The following CR1 variants were observed in gnomAD, a reference collection of about 807,000 sequenced individuals.
CR1 encodes the protein complement receptor type 1.
Under a neutral mutation model 187.3 loss-of-function variants are expected in CR1, and 116 were observed. That is an observed-to-expected ratio of 0.62 (90% CI 0.53 to 0.72). The LOEUF is 0.72. Ranked by LOEUF, CR1 falls within the 30% of genes least tolerant of loss-of-function variation. The pLI, the probability that CR1 is intolerant of heterozygous loss-of-function variation, is 0.00. For synonymous variants in CR1, 576 were observed against 747.1 expected, an observed-to-expected ratio of 0.77 and a Z score of 3.73; for missense variants, 1,731 against 2,110.7, an observed-to-expected ratio of 0.82 and a Z score of 3.52.
At chr1:207,614,655 T>C (rs1241792843) in intron 40 of CR1, among the ~76,000 whole-genome samples, 166 bp downstream of exon 40, 4 of 152,204 alleles carry the variant, frequency 2.6e-5, no homozygotes, top group East Asian at 1.9e-4. Context: ...AGGTCTTCTC[T>C]GACATGTGTT....
At chr1:207,517,904 C>T (rs1659852592) in intron 4 of CR1, among the ~76,000 whole-genome samples, 1 of 151,988 alleles carries the variant, frequency 6.6e-6, no homozygotes, top group South Asian at 2.1e-4. Context: ...ATTAGTTTTA[C>T]CGGGGCTTTA....
intron 1 of CR1, among the ~76,000 whole-genome samples, chr1:207,500,693 A>G (rs1413271017): frequency 6.6e-6 from 1 of 152,252 alleles, no homozygotes; most frequent in Non-Finnish European, 1.5e-5. Flanking sequence ...TAAAATTATA[A>G]CATTAACTTT....
Position 207,639,407 on chromosome 1 carries a change from T to C in CR1, c.7468T>C (p.Ter2490ArgextTer88). ...TNEENSRVLP* is the reference protein window; with the variant it reads ...TNEENSRVLPR Reference sequence around the variant, plus strand: ...ATCCTGTTATTTCAGGGTCCTTCCTTGACAAAGTACTATACAGCTGAAGAA... The same window carrying C: ...ATCCTGTTATTTCAGGGTCCTTCCTCGACAAAGTACTATACAGCTGAAGAA... The change falls in exon 47 of 47, where the codon TGA becomes CGA. Residue 2490 changes from the stop codon to arginine, a stop_lost. Transcript: ENST00000367049. The C allele has an allele frequency of 6.3e-7, 1 of 1,598,990 alleles. No individual in the cohort carries two copies. The highest frequency in any genetic ancestry group is 8.5e-7 in the Non-Finnish European group (1 of 1,171,802).
At chr1:207,589,956 A>T (rs1183818044) in intron 35 of CR1, among the ~76,000 whole-genome samples, 1 of 152,198 alleles carries the variant, frequency 6.6e-6, no homozygotes, top group African/African-American at 2.4e-5. Flanking sequence ...ATATGGGACT[A>T]TGTGAAAAGA....
intron 45 of CR1, among the ~76,000 whole-genome samples, chr1:207,623,489 G>A (rs1662377102): frequency 6.6e-6 from 1 of 151,914 alleles, no homozygotes; most frequent in South Asian, 2.1e-4. Context: ...GGAGGTTGAA[G>A]CATGAGAATT....
At chr1:207,565,391 A>G (rs955051739) in intron 23 of CR1, among the ~76,000 whole-genome samples, 5 of 150,446 alleles carry the variant, frequency 3.3e-5, no homozygotes, top group Non-Finnish European at 5.9e-5. Context: ...AGATGAAAGG[A>G]CAATCTCTGT....
chr1:207,618,928 A>G (rs1249548057), intron 42 of CR1, among the ~76,000 whole-genome samples: 1 of 149,024 alleles, frequency 6.7e-6, no homozygotes, highest in Non-Finnish European at 1.5e-5. Flanking sequence ...AGTCCCAGCT[A>G]CTCGTGAGGC....
rs756633578 is a variant in CR1 at position 207,614,423 on chromosome 1, T to C, written c.6595T>C (p.Ser2199Pro). ...CDEGFRLKGR[S>P]ASHCVLAGMK... is the part of the protein sequence containing the mutation. ...CTTTAGGTTCCGATTAAAAGGCAGG[T>C]CTGCTAGTCATTGTGTCTTGGCTGG... is the stretch of plus-strand genomic sequence containing the variant. Residue 2199 changes from serine (S) to proline (P), a missense_variant, in exon 40 of 47, where the codon TCT becomes CCT. Coordinates refer to ENST00000367049, the MANE Select transcript of CR1 (RefSeq NM_000651.6). The C allele has an allele frequency of 1.5e-5, 24 of 1,610,902 alleles. No homozygotes were observed. Among genetic ancestry groups the C allele is most frequent in the Non-Finnish European group, 5.1e-6 (6 of 1,177,980 alleles).
intron 35 of CR1, among the ~76,000 whole-genome samples, chr1:207,598,619 C>T (rs779127657): frequency 2.0e-5 from 3 of 152,224 alleles, no homozygotes; most frequent in Non-Finnish European, 2.9e-5. Context: ...AGGGTTTCAC[C>T]ATGTTGGCCA....
At chr1:207,572,280 A>G (rs1175059125) in intron 27 of CR1, among the ~76,000 whole-genome samples, 2 of 147,642 alleles carry the variant, frequency 1.4e-5, no homozygotes, top group Admixed American at 6.7e-5. Context: ...CATGCTAGAA[A>G]AATCTTTTGT....
At position 207,565,807 on chromosome 1, in the gene CR1, G is replaced by C. The variant is rs112610279; in HGVS notation, c.3867-31G>C. 10,971 of 1,609,700 alleles carry C rather than the reference G, an allele frequency of 6.8e-3. 1,651 individuals carry two copies. In the African/African-American group the frequency reaches 0.13, roughly 19 times the overall value. ...ACTAAGTGTCCTCTTGGCTGAAACAGCTCACTATTCACTCCTATTTTCTTC... is the reference window on the plus strand; with the variant it reads ...ACTAAGTGTCCTCTTGGCTGAAACACCTCACTATTCACTCCTATTTTCTTC... On this transcript the variant is annotated intron_variant, in intron 23 of 46. Transcript: ENST00000367049.
intron 1 of CR1, 37 bp from the exon 2 acceptor site, chr1:207,505,867 C>G (rs57449431): frequency 4.4e-6 from 7 of 1,575,548 alleles, no homozygotes; most frequent in Non-Finnish European, 6.0e-6. Flanking sequence ...GGTAATTTCT[C>G]CATTAACTTT....
At chr1:207,515,455 C>A (rs1036623548) in intron 4 of CR1, among the ~76,000 whole-genome samples, 2 of 151,782 alleles carry the variant, frequency 1.3e-5, no homozygotes, top group East Asian at 1.9e-4. Context: ...CTTCCCGATG[C>A]CCTTTCCCAG....
At chr1:207,504,007 G>C (rs539613387) in intron 1 of CR1, among the ~76,000 whole-genome samples, 3 of 152,330 alleles carry the variant, frequency 2.0e-5, no homozygotes, top group Non-Finnish European at 4.4e-5. Context: ...AAATAAATTT[G>C]TGCTAGTTTT....
intron 46 of CR1, among the ~76,000 whole-genome samples, chr1:207,636,282 G>A (rs904724818): frequency 2.6e-5 from 4 of 151,920 alleles, no homozygotes; most frequent in Non-Finnish European, 4.4e-5. Context: ...CAACTCCTGC[G>A]ATTGCCTCAG....
intron 46 of CR1, among the ~76,000 whole-genome samples, chr1:207,636,850 A>G (rs1040669374): frequency 2.6e-5 from 4 of 152,256 alleles, no homozygotes; most frequent in African/African-American, 9.6e-5. Flanking sequence ...CCTCACCAGC[A>G]GAATACACTG....
intron 31 of CR1, among the ~76,000 whole-genome samples, chr1:207,581,187 C>CATGGACACGTATATGTAGACGTATACAT (rs774935591): frequency 2.6e-3 from 352 of 136,110 alleles, no homozygotes; most frequent in African/African-American, 0.011. Context: ...TATGTGTATA[C>CATGGACACGTATATGTAGACGTATACAT]ATGGACACGT....
chr1:207,498,219 T>C (rs902359650), intron 1 of CR1, among the ~76,000 whole-genome samples: 1 of 152,186 alleles, frequency 6.6e-6, no homozygotes, highest in African/African-American at 2.4e-5. Flanking sequence ...AAAACCCCCA[T>C]GCATGTCTGA....
chr1:207,514,223 G>A (rs1429372527), intron 4 of CR1, among the ~76,000 whole-genome samples: 1 of 151,982 alleles, frequency 6.6e-6, no homozygotes, highest in Non-Finnish European at 1.5e-5. Context: ...TTTTATATAT[G>A]GCAAATATGC....
Sources: allele counts gnomAD v4.1 joint callset (sites outside exome capture counted in the v4.1 genomes callset), GRCh38; gene constraint gnomAD v4.1.1; transcripts MANE v1.5; gene names NCBI Gene and HGNC (gene_info 2026-07-23, HGNC 2026-07-21).